XKR5: variants seen among roughly 807,000 people sequenced by gnomAD.
The protein encoded by XKR5 is XK-related protein 5.
In XKR5, 46 loss-of-function variants were observed where a neutral mutation model predicts 40.8. That is an observed-to-expected ratio of 1.13 (90% CI 0.89 to 1.44). The LOEUF (loss-of-function observed/expected upper bound fraction) is 1.44, where lower values mean the gene tolerates loss of function less well. Among genes scored for constraint, XKR5 ranks in the 40% most tolerant of loss-of-function variants. The pLI is 0.00. For missense variants in XKR5, 1,169 were observed against 844.7 expected (o/e 1.38, Z -4.76); for synonymous variants, 466 against 356.1 (o/e 1.31, Z -3.48).
In XKR5 at chr8:6,809,308, T is replaced by C. The variant is rs1017952009; in HGVS notation, c.*1890A>G. ...TTGTTCTATTAACAAGCTTTTTTTTTAGATAGAGTCTTGCTCTGTCGCCCA... is the reference window on the plus strand; with the variant it reads ...TTGTTCTATTAACAAGCTTTTTTTTCAGATAGAGTCTTGCTCTGTCGCCCA... On this transcript the variant is annotated 3_prime_UTR_variant, in exon 7 of 7. Coordinates refer to ENST00000618742, the MANE Select transcript of XKR5 (RefSeq NM_207411.5). 2.6e-5 allele frequency: 4 copies of C among 151,858 alleles called. No individual in the cohort carries two copies. The highest frequency in any genetic ancestry group is 5.9e-5 in the Non-Finnish European group (4 of 67,990). The allele number at this position is 151,858 out of a possible 1,614,324, so 9.4% of individuals were successfully genotyped here. A position where few individuals can be genotyped will look rare whatever the true frequency, so the allele number is the denominator to read the frequency against.
At chr8:6,834,632 C>G (rs540263598) in intron 1 of XKR5, among the ~76,000 whole-genome samples, 18 of 152,334 alleles carry the variant, frequency 1.2e-4, no homozygotes, top group East Asian at 3.9e-4. Context: ...CGCCCGCGAA[C>G]TCAGGGAAAA....
At chr8:6,834,009 A>C (rs2117126794) in intron 1 of XKR5, among the ~76,000 whole-genome samples, 1 of 152,224 alleles carries the variant, frequency 6.6e-6, no homozygotes, top group South Asian at 2.1e-4. Flanking sequence ...GTAACTCCGC[A>C]CTACGAAACC....
intron 6 of XKR5, among the ~76,000 whole-genome samples, chr8:6,814,407 A>G (rs1312009079): frequency 6.6e-6 from 1 of 152,170 alleles, no homozygotes; most frequent in Non-Finnish European, 1.5e-5. Flanking sequence ...TACTTTCACA[A>G]CGCATTCTCC....
intron 5 of XKR5, 125 bp from the exon 6 acceptor site, chr8:6,816,043 T>G: frequency 1.5e-6 from 1 of 665,178 alleles, no homozygotes; most frequent in Admixed American, 2.5e-5. Flanking sequence ...GACTCCAGGC[T>G]GCTGAGGAGT....
chr8:6,832,577 G>C (rs1229538704), intron 2 of XKR5, 140 bp downstream of exon 2: 1 of 1,020,032 alleles, frequency 9.8e-7, no homozygotes, highest in African/African-American at 1.7e-5. Context: ...ATCAGAGCAG[G>C]GGTTTGCTGT....
Position 6,811,861 on chromosome 8 carries a change from C to T in XKR5, c.1398G>A (p.Glu466=). The T allele has an allele frequency of 2.6e-6, 4 of 1,537,558 alleles. No individual in the cohort carries two copies. Among genetic ancestry groups the T allele is most frequent in the Non-Finnish European group, 3.5e-6 (4 of 1,146,978 alleles). ...PSSSRDPSTL[E]NSSAFEGVPK... is the part of the protein sequence containing the mutation. ...GGACACCTTCAAACGCAGAGCTGTTCTCTAAGGTTGAGGGGTCACGGGATG... is the reference window on the plus strand; with the variant it reads ...GGACACCTTCAAACGCAGAGCTGTTTTCTAAGGTTGAGGGGTCACGGGATG... Residue 466 remains glutamate, a synonymous_variant, in exon 7 of 7, where the codon GAG becomes GAA. Coordinates refer to ENST00000618742, the MANE Select transcript of XKR5 (RefSeq NM_207411.5).
chr8:6,823,583 G>C lies in XKR5; in HGVS notation c.575C>G (p.Thr192Ser), dbSNP rs770241879. 6.3e-7 allele frequency: 1 copy of C among 1,597,050 alleles called. No homozygotes were observed. The highest frequency in any genetic ancestry group is 8.5e-7 in the Non-Finnish European group (1 of 1,171,858). ...GAACAGAACCAGACTCAGCACGCGG[G>C]TTCCCAACATGCCCATCCTCCAGAG... ...QQLWRMGMLG[T>S]RVLSLVLFYK... The change falls in exon 4 of 7, where the codon ACC becomes AGC. Residue 192 changes from threonine (T) to serine (S), a missense_variant. Physicochemically the swap from Thr to Ser is moderately conservative, Grantham distance 58. Transcript: ENST00000618742.
At chr8:6,819,540 C>G (rs1157638123) in intron 5 of XKR5, among the ~76,000 whole-genome samples, 1 of 152,204 alleles carries the variant, frequency 6.6e-6, no homozygotes, top group Non-Finnish European at 1.5e-5. Context: ...GCCTCACACT[C>G]TGAATGGCCC....
At chr8:6,812,430 T>A in intron 6 of XKR5, 91 bp from the exon 7 acceptor site, 1 of 1,315,682 alleles carries the variant, frequency 7.6e-7, no homozygotes, top group Non-Finnish European at 1.0e-6. Context: ...CCCTTTTGTG[T>A]AGAGGAAGAT....
chr8:6,821,165 G>GT (rs142689756), intron 5 of XKR5, among the ~76,000 whole-genome samples: 3,002 of 152,236 alleles, frequency 0.02, 97 homozygotes, highest in African/African-American at 0.068. Flanking sequence ...TCCAGTGCAA[G>GT]TTTTTTCTGA....
intron 6 of XKR5, among the ~76,000 whole-genome samples, chr8:6,812,921 G>T (rs539780097): frequency 2.0e-5 from 3 of 152,348 alleles, no homozygotes; most frequent in African/African-American, 7.2e-5. Flanking sequence ...TAATCACATT[G>T]TTGTCAGTTT....
intron 2 of XKR5, among the ~76,000 whole-genome samples, chr8:6,827,231 C>T (rs1804532989): frequency 1.3e-5 from 2 of 152,184 alleles, no homozygotes; most frequent in South Asian, 4.1e-4. Flanking sequence ...GAGATGACCA[C>T]AGCCGCCTGC....
At position 6,832,691 on chromosome 8, in the gene XKR5, G is replaced by C. The variant is rs1414975425; in HGVS notation, c.242+26C>G. 5 of 1,611,480 alleles carry C rather than the reference G, an allele frequency of 3.1e-6. No individual in the cohort carries two copies. In the African/African-American group the frequency reaches 6.7e-5, roughly 22 times the overall value. On this transcript the variant is annotated intron_variant, in intron 2 of 6. Transcript: ENST00000618742. Reference sequence around the variant, plus strand: ...ACTGCACTTGTGCAATTGTGCTCCAGAGGTGAAAGAGGCAGCTGTTCTTAC... The same window carrying C: ...ACTGCACTTGTGCAATTGTGCTCCACAGGTGAAAGAGGCAGCTGTTCTTAC...
At position 6,833,357 on chromosome 8, in the gene XKR5, C is replaced by A. The variant is rs188060581; in HGVS notation, c.59-457G>T. ...CCACCCTGGTGACATTCCCCTGTGGCCCGGCATGGTGTGCCATGTCTCCTG... is the reference window on the plus strand; with the variant it reads ...CCACCCTGGTGACATTCCCCTGTGGACCGGCATGGTGTGCCATGTCTCCTG... On this transcript the variant is annotated intron_variant, in intron 1 of 6. Coordinates refer to ENST00000618742, the MANE Select transcript of XKR5 (RefSeq NM_207411.5). Among the ~76,000 whole-genome samples the A allele has an allele frequency of 4.7e-3, 722 of 152,364 alleles. 1 individual carries two copies. The highest frequency in any genetic ancestry group is 0.017 in the Middle Eastern group (5 of 294).
At position 6,822,067 on chromosome 8, in the gene XKR5, G is replaced by T. The variant is rs748747389; in HGVS notation, c.638-29C>A. 3.8e-6 allele frequency: 6 copies of T among 1,580,238 alleles called. No homozygotes were observed. In the African/African-American group the frequency reaches 4.0e-5, roughly 11 times the overall value. On this transcript the variant is annotated intron_variant, in intron 4 of 6. Transcript: ENST00000618742. ...CAGAGAAGCCGGGTGCAGACGTCAGGGTCCATGCAAGGAGATGGGGGGACA... is the reference window on the plus strand; with the variant it reads ...CAGAGAAGCCGGGTGCAGACGTCAGTGTCCATGCAAGGAGATGGGGGGACA...
chr8:6,832,245 A>T (rs533538843), intron 2 of XKR5, among the ~76,000 whole-genome samples: 86 of 151,620 alleles, frequency 5.7e-4, no homozygotes, highest in African/African-American at 2.1e-3. Context: ...TCTTTAGAGA[A>T]AAAACTAGCC....
Position 6,811,470 on chromosome 8 carries a change from C to T in XKR5, c.1789G>A (p.Asp597Asn), listed in dbSNP as rs772156013. 6.3e-5 allele frequency: 97 copies of T among 1,530,522 alleles called. No homozygotes were observed. The highest frequency in any genetic ancestry group is 2.4e-4 in the South Asian group (20 of 83,014). 94.8% of individuals were successfully genotyped at this position (1,530,522 alleles called of 1,614,324 possible). Reference sequence around the variant, plus strand: ...CCTGTGCCTAGGATGGGGCTAATGTCGGCCATGGTGTCGGGGAAGGGCGCC... The same window carrying T: ...CCTGTGCCTAGGATGGGGCTAATGTTGGCCATGGTGTCGGGGAAGGGCGCC... ...GLAPFPDTMA[D>N]ISPILGTGPC... is the part of the protein sequence containing the mutation. Residue 597 changes from aspartate to asparagine, a missense_variant, in exon 7 of 7, where the codon GAC (aspartate) becomes AAC (asparagine). Asp to Asn is a conservative substitution (Grantham distance 23). Coordinates refer to ENST00000618742, the MANE Select transcript of XKR5 (RefSeq NM_207411.5).
At chr8:6,831,781 C>T (rs1804775433) in intron 2 of XKR5, among the ~76,000 whole-genome samples, 1 of 152,034 alleles carries the variant, frequency 6.6e-6, no homozygotes, top group South Asian at 2.1e-4. Context: ...TTTGGGAGGC[C>T]AAGGTGGGCG....
At chr8:6,833,891 A>G (rs567070256) in intron 1 of XKR5, among the ~76,000 whole-genome samples, 2 of 152,328 alleles carry the variant, frequency 1.3e-5, no homozygotes, top group South Asian at 2.1e-4. Context: ...TGAAGCGCCT[A>G]GCATCTTGTG....
Sources: allele counts gnomAD v4.1 joint callset (sites outside exome capture counted in the v4.1 genomes callset), GRCh38; gene constraint gnomAD v4.1.1; transcripts MANE v1.5; gene names NCBI Gene and HGNC (gene_info 2026-07-23, HGNC 2026-07-21).